The following AP4E1 variants were observed in gnomAD, a reference collection of about 807,000 sequenced individuals.
The protein encoded by AP4E1 is adaptor related protein complex 4 subunit epsilon 1.
AP4E1 carries 56 observed loss-of-function variants against 128.2 expected under a neutral mutation model. The observed-to-expected ratio is 0.44, with a 90% CI of 0.35 to 0.55. The LOEUF (loss-of-function observed/expected upper bound fraction) is 0.55. Ranked by LOEUF, AP4E1 falls within the 20% of genes least tolerant of loss-of-function variation. AP4E1 has a pLI of 0.00. For missense variants in AP4E1, 1,324 were observed against 1,307.7 expected, an observed-to-expected ratio of 1.01 and a Z score of -0.19; for synonymous variants, 484 against 473.1, an observed-to-expected ratio of 1.02 and a Z score of -0.30.
rs781728526 is a variant in AP4E1 at position 50,941,821 on chromosome 15, A to G, written c.1176+46A>G. On this transcript the variant is annotated intron_variant, in intron 10 of 20. Coordinates refer to ENST00000261842, the MANE Select transcript of AP4E1 (RefSeq NM_007347.5). ...GTATATGTGAAGTGTTAAAATTTTTAAAAATTTTGTTGGCATTGTGTAGAG... is the reference window on the plus strand; with the variant it reads ...GTATATGTGAAGTGTTAAAATTTTTGAAAATTTTGTTGGCATTGTGTAGAG... 6 of 1,485,820 alleles carry G rather than the reference A, an allele frequency of 4.0e-6. No homozygotes were observed. The African/African-American group carries it at 8.3e-5, about 21-fold the overall frequency. 92.0% of individuals were successfully genotyped at this position (1,485,820 alleles called of 1,614,324 possible).
At chr15:50,996,069 A>G (rs146868403) in intron 17 of AP4E1, among the ~76,000 whole-genome samples, 1,590 of 144,626 alleles carry the variant, frequency 0.011, 26 homozygotes, top group African/African-American at 0.04. Flanking sequence ...GCTTACTGCA[A>G]CCTCTGCCTC....
At chr15:50,927,542 A>G (rs1369353685) in intron 5 of AP4E1, among the ~76,000 whole-genome samples, 1 of 134,102 alleles carries the variant, frequency 7.5e-6, no homozygotes, top group East Asian at 2.1e-4. Flanking sequence ...TCCTCACTTC[A>G]TTTACCTATT....
intron 4 of AP4E1, 121 bp from the exon 5 acceptor site, chr15:50,924,977 G>A (rs2063751672): frequency 8.4e-7 from 1 of 1,186,504 alleles, no homozygotes; most frequent in African/African-American, 1.5e-5. Context: ...AAGTTTGGAT[G>A]TACAAATTAA....
chr15:50,907,613 C>T (rs2141119411), upstream of AP4E1, among the ~76,000 whole-genome samples: 1 of 152,254 alleles, frequency 6.6e-6, no homozygotes, highest in South Asian at 2.1e-4. Context: ...ATGCCCTAAA[C>T]CTACTACCTT....
intron 14 of AP4E1, among the ~76,000 whole-genome samples, chr15:50,959,718 A>G (rs543925295): frequency 6.6e-6 from 1 of 152,326 alleles, no homozygotes; most frequent in Non-Finnish European, 1.5e-5. Flanking sequence ...AACAATGAAA[A>G]AGGAAGAAAG....
At chr15:50,962,822 G>A (rs1904430) in intron 14 of AP4E1, among the ~76,000 whole-genome samples, 30,903 of 138,506 alleles carry the variant, frequency 0.22, 3,752 homozygotes, top group East Asian at 0.47. Context: ...ACAATCTGTA[G>A]ACTGGGGAAA....
chr15:51,002,389 A>T, intron 20 of AP4E1, 113 bp from the exon 21 acceptor site: 1 of 1,084,050 alleles, frequency 9.2e-7, no homozygotes, highest in Non-Finnish European at 1.4e-6. Context: ...CTTAGTGGTT[A>T]GTGATATTGA....
chr15:50,993,749 C>T, intron 17 of AP4E1, 124 bp downstream of exon 17: 1 of 1,156,866 alleles, frequency 8.6e-7, no homozygotes, highest in Non-Finnish European at 1.3e-6. Context: ...CCAGTTCTTA[C>T]TCACCATCAT....
chr15:50,945,399 G>A (rs1596474663), intron 10 of AP4E1: 4 of 778,288 alleles, frequency 5.1e-6, no homozygotes, highest in Admixed American at 1.7e-5. Flanking sequence ...CAGTTTGTTG[G>A]AACCCTATGG....
chr15:50,947,841 T>C (rs1335666087), intron 10 of AP4E1, among the ~76,000 whole-genome samples, 179 bp from the exon 11 acceptor site: 1 of 152,224 alleles, frequency 6.6e-6, no homozygotes, highest in Non-Finnish European at 1.5e-5. Flanking sequence ...TTTTTGACGA[T>C]AGTTTTACCT....
chr15:50,973,591 C>T (rs769171739), intron 15 of AP4E1, among the ~76,000 whole-genome samples: 4 of 152,186 alleles, frequency 2.6e-5, no homozygotes, highest in African/African-American at 4.8e-5. Flanking sequence ...CTCCCCTTAG[C>T]CTCTGGCAGC....
In AP4E1 at chr15:50,912,137, T is replaced by C; in HGVS notation, c.210T>C (p.Pro70=). ...LSSLKATVSA[P]TTTLKMMKEC... is the part of the protein sequence containing the mutation. ...GTCTGAAAGCGACTGTTTCTGCTCCTACTACAACACTGGTAGGTTTGCATA... is the reference window on the plus strand; with the variant it reads ...GTCTGAAAGCGACTGTTTCTGCTCCCACTACAACACTGGTAGGTTTGCATA... The change falls in exon 2 of 21, where the codon CCT becomes CCC. Residue 70 remains proline (P), a synonymous_variant. Coordinates refer to ENST00000261842, the MANE Select transcript of AP4E1 (RefSeq NM_007347.5). The C allele has an allele frequency of 1.9e-6, 3 of 1,614,076 alleles. No individual in the cohort carries two copies. Among genetic ancestry groups the C allele is most frequent in the Non-Finnish European group, 2.5e-6 (3 of 1,179,940 alleles).
At chr15:50,983,474 G>A (rs2064670129) in intron 15 of AP4E1, among the ~76,000 whole-genome samples, 2 of 152,118 alleles carry the variant, frequency 1.3e-5, no homozygotes, top group Admixed American at 1.3e-4. Context: ...AGGGAGAGTG[G>A]ATATTGGCAT....
rs953141728 is a variant in AP4E1 at position 50,949,861 on chromosome 15, T to A, written c.1352T>A (p.Met451Lys). ...GATAATGCATGGTTTATTCAGACAA[T>A]GAATGCTGTGTTTTCAGTAGGAGGA... is the stretch of plus-strand genomic sequence containing the variant. ...APDNAWFIQT[M>K]NAVFSVGGDV... Residue 451 changes from methionine to lysine, a missense_variant, in exon 12 of 21, where the codon ATG becomes AAG. Physicochemically the swap from Met to Lys is moderately conservative, Grantham distance 95. Coordinates refer to ENST00000261842, the MANE Select transcript of AP4E1 (RefSeq NM_007347.5). The A allele has an allele frequency of 3.1e-6, 5 of 1,613,802 alleles. No individual in the cohort carries two copies. Among genetic ancestry groups the A allele is most frequent in the Non-Finnish European group, 4.2e-6 (5 of 1,179,822 alleles).
intron 15 of AP4E1, among the ~76,000 whole-genome samples, chr15:50,977,594 T>G (rs1373430204): frequency 6.6e-6 from 1 of 152,028 alleles, no homozygotes; most frequent in Non-Finnish European, 1.5e-5. Flanking sequence ...ATTATAAAAT[T>G]ATATATCTTA....
intron 13 of AP4E1, among the ~76,000 whole-genome samples, chr15:50,951,726 C>CTTTTTT (rs71127166): frequency 5.8e-4 from 73 of 126,004 alleles, no homozygotes; most frequent in Non-Finnish European, 9.4e-4. Context: ...AATTTTCTTT[C>CTTTTTT]TTTTTTTTTT....
At chr15:50,945,756 A>C in intron 10 of AP4E1, 1 of 766,944 alleles carries the variant, frequency 1.3e-6, no homozygotes, top group Non-Finnish European at 2.4e-6. Flanking sequence ...TGCTTACATC[A>C]TGAGAAAAAG....
At chr15:50,909,583 A>C (rs58661036) in intron 1 of AP4E1, among the ~76,000 whole-genome samples, 21,025 of 152,336 alleles carry the variant, frequency 0.14, 1,599 homozygotes, top group South Asian at 0.2. Context: ...AAACTTTTAA[A>C]ATTTTTAAAT....
intron 16 of AP4E1, among the ~76,000 whole-genome samples, chr15:50,989,413 GATACTA>G (rs1469263042): frequency 1.3e-5 from 2 of 151,670 alleles, no homozygotes; most frequent in South Asian, 2.1e-4. Context: ...TCAGAAGAAA[GATACTA>G]ATAATAGATC....
Sources: allele counts gnomAD v4.1 joint callset (sites outside exome capture counted in the v4.1 genomes callset), GRCh38; gene constraint gnomAD v4.1.1; transcripts MANE v1.5; gene names NCBI Gene and HGNC (gene_info 2026-07-23, HGNC 2026-07-21).